PCDHGA6: variants seen among roughly 807,000 people sequenced by gnomAD.
PCDHGA6 encodes protocadherin gamma-A6.
PCDHGA6 carries 41 observed loss-of-function variants against 60.6 expected under a neutral mutation model. The ratio of observed to expected loss-of-function variants is 0.68; its 90% CI spans 0.53 to 0.88. The LOEUF (loss-of-function observed/expected upper bound fraction) is 0.88. PCDHGA6 is among the 40% of genes least tolerant of loss of function. PCDHGA6 has a pLI of 0.00. For synonymous variants in PCDHGA6, 594 were observed against 524.4 expected, an observed-to-expected ratio of 1.13 and a Z score of -1.81; for missense variants, 1,312 against 1,203.0, an observed-to-expected ratio of 1.09 and a Z score of -1.34.
In PCDHGA6 at chr5:141,399,285, C is replaced by T. The variant is rs751998465; in HGVS notation, c.2424+22778C>T. 3 of 1,613,720 alleles carry T rather than the reference C, an allele frequency of 1.9e-6. No homozygotes were observed. In the African/African-American group the frequency reaches 4.0e-5, roughly 22 times the overall value. ...TTAATTGTCAATTACAAGGCGAAGTCCCTTTTAAGATTATCTCTTCATCCA... is the reference window on the plus strand; with the variant it reads ...TTAATTGTCAATTACAAGGCGAAGTTCCTTTTAAGATTATCTCTTCATCCA... On this transcript the variant is annotated intron_variant, in intron 1 of 3. Coordinates refer to ENST00000517434, the MANE Select transcript of PCDHGA6 (RefSeq NM_018919.3).
At chr5:141,381,512 A>T (rs1777240689) in intron 1 of PCDHGA6, among the ~76,000 whole-genome samples, 1 of 152,218 alleles carries the variant, frequency 6.6e-6, no homozygotes, top group Non-Finnish European at 1.5e-5. Context: ...ATAGAGTAGG[A>T]TGAAGATTTG....
rs2099415271 is a variant in PCDHGA6, at chr5:141,477,659, G to A, written c.2425-17148G>A. 6.2e-7 allele frequency: 1 copy of A among 1,614,194 alleles called. No individual in the cohort carries two copies. The highest frequency in any genetic ancestry group is 1.3e-5 in the African/African-American group (1 of 75,046). ...GGGTCGCTATTTCACAATAAATCGT[G>A]ACAATGGCATAGTGTCATCCTTAGT... On this transcript the variant is annotated intron_variant, in intron 1 of 3. Transcript: ENST00000517434. The surrounding 1 kb of genome is among the most constrained non-coding windows in gnomAD (Gnocchi z 4.9).
At chr5:141,403,168 G>T in intron 1 of PCDHGA6, 14 of 1,614,032 alleles carry the variant, frequency 8.7e-6, no homozygotes, top group African/African-American at 1.3e-5. Flanking sequence ...GAGGTAGGAC[G>T]CAGCTTTTCT....
chr5:141,489,159 T>G lies in PCDHGA6; in HGVS notation c.2425-5648T>G. On this transcript the variant is annotated intron_variant, in intron 1 of 3. Transcript: ENST00000517434. This position sits in a 1 kb window ranked among gnomAD's most constrained non-coding sequence, Gnocchi z 4.5. ...AGGCTGGAAGGAGACATAAGAGACT[T>G]CAGCTGCTGCATTCCAAGCCCTGGG... is the stretch of plus-strand genomic sequence containing the variant. 2 of 1,023,152 alleles carry G rather than the reference T, an allele frequency of 2.0e-6. No individual in the cohort carries two copies. Among genetic ancestry groups the G allele is most frequent in the Non-Finnish European group, 2.9e-6 (2 of 697,120 alleles). The allele number at this position is 1,023,152 out of a possible 1,614,324, so 63.4% of individuals were successfully genotyped here. A position where few individuals can be genotyped will look rare whatever the true frequency, so the allele number is the denominator to read the frequency against.
intron 1 of PCDHGA6, chr5:141,424,630 A>G (rs1440031596): frequency 1.3e-5 from 2 of 152,366 alleles, no homozygotes; most frequent in East Asian, 3.9e-4. Flanking sequence ...TTGTGAATAT[A>G]TAAATAGATT....
At chr5:141,444,918 C>T (rs1197922745) in intron 1 of PCDHGA6, among the ~76,000 whole-genome samples, 1 of 152,106 alleles carries the variant, frequency 6.6e-6, no homozygotes, top group Non-Finnish European at 1.5e-5. Flanking sequence ...ATACCTTTAT[C>T]AGGGAAAGAG....
In PCDHGA6 at chr5:141,448,129, C is replaced by A. The variant is rs116387986; in HGVS notation, c.2425-46678C>A. On this transcript the variant is annotated intron_variant, in intron 1 of 3. Coordinates refer to ENST00000517434, the MANE Select transcript of PCDHGA6 (RefSeq NM_018919.3). Reference sequence around the variant, plus strand: ...AGAAAAGAAAATTAGCCTCCCCCACCCTCACTATACCTCAGACTCACCCCT... The same window carrying A: ...AGAAAAGAAAATTAGCCTCCCCCACACTCACTATACCTCAGACTCACCCCT... 4.4e-3 allele frequency among the ~76,000 whole-genome samples: 671 copies of A among 152,002 alleles called. 4 individuals carry two copies. Among genetic ancestry groups the A allele is most frequent in the African/African-American group, 0.015 (612 of 41,466 alleles).
Position 141,375,050 on chromosome 5 carries a change from G to A in PCDHGA6, c.967G>A (p.Asp323Asn). ...SFYELGVEAR[D>N]GPGLRDRAKV... ...TTATGAGCTGGGTGTTGAAGCCCGG[G>A]ATGGGCCAGGTCTTCGAGACAGAGC... The change falls in exon 1 of 4, where the codon GAT becomes AAT. Residue 323 changes from aspartate to asparagine, a missense_variant. Asp to Asn is a conservative substitution (Grantham distance 23, BLOSUM62 1). Coordinates refer to ENST00000517434, the MANE Select transcript of PCDHGA6 (RefSeq NM_018919.3). 6.2e-7 allele frequency: 1 copy of A among 1,614,046 alleles called. No individual in the cohort carries two copies. Among genetic ancestry groups the A allele is most frequent in the Non-Finnish European group, 8.5e-7 (1 of 1,179,908 alleles).
chr5:141,422,028 A>C, intron 1 of PCDHGA6: 1 of 1,611,196 alleles, frequency 6.2e-7, no homozygotes, highest in Non-Finnish European at 8.5e-7. Flanking sequence ...TGGTTAATGC[A>C]ACGGATCCAG....
intron 1 of PCDHGA6, among the ~76,000 whole-genome samples, chr5:141,480,408 C>A (rs371569489): frequency 7.2e-6 from 1 of 138,932 alleles, no homozygotes; most frequent in African/African-American, 2.9e-5. Flanking sequence ...GAGTGAGACC[C>A]TGTCTCAAAA....
Position 141,477,032 on chromosome 5 carries a change from A to G in PCDHGA6, c.2425-17775A>G, listed in dbSNP as rs1026169829. 2 of 1,614,134 alleles carry G rather than the reference A, an allele frequency of 1.2e-6. No homozygotes were observed. Among genetic ancestry groups the G allele is most frequent in the Non-Finnish European group, 1.7e-6 (2 of 1,180,044 alleles). ...AGACCTTGTAACCGGGATGCTGACA[A>G]TCAAGGGTCGGCTGGACTTCGAGGA... On this transcript the variant is annotated intron_variant, in intron 1 of 3. Transcript: ENST00000517434. This position sits in a 1 kb window ranked among gnomAD's most constrained non-coding sequence, Gnocchi z 4.9.
chr5:141,469,517 G>A (rs1416478511), intron 1 of PCDHGA6, among the ~76,000 whole-genome samples: 1 of 152,198 alleles, frequency 6.6e-6, no homozygotes, highest in Non-Finnish European at 1.5e-5. Flanking sequence ...GGAGGTTGCA[G>A]TGAGCCAAGA....
At position 141,379,889 on chromosome 5, in the gene PCDHGA6, C is replaced by CTTTTTTTTTTTTTTTTTTTTT. The variant is rs70988800; in HGVS notation, c.2424+3392_2424+3412dup. The stretch of plus-strand genomic sequence containing the variant: ...CTTATTTTATGGTCTGTGAAAGCCT[C>CTTTTTTTTTTTTTTTTTTTTT]TTTTTTTTTTTTTTTTTTTTTTTTT... On this transcript the variant is annotated intron_variant, in intron 1 of 3. Coordinates refer to ENST00000517434, the MANE Select transcript of PCDHGA6 (RefSeq NM_018919.3). Among the ~76,000 whole-genome samples, 100 of 50,832 alleles carry CTTTTTTTTTTTTTTTTTTTTT rather than the reference C, an allele frequency of 2.0e-3. 11 individuals are homozygous for CTTTTTTTTTTTTTTTTTTTTT. The highest frequency in any genetic ancestry group is 2.9e-3 in the Non-Finnish European group (74 of 25,884). 33.3% of individuals were successfully genotyped at this position (50,832 alleles called of 152,430 possible).
rs373430964 is a variant in PCDHGA6, at chr5:141,374,999, A to G, written c.916A>G (p.Asn306Asp). The G allele has an allele frequency of 1.1e-5, 17 of 1,613,928 alleles. No homozygotes were observed. The African/African-American group carries it at 2.1e-4, about 20-fold the overall frequency. The change falls in exon 1 of 4, where the codon AAT becomes GAT. Residue 306 changes from asparagine (N) to aspartate (D), a missense_variant. Asn to Asp is a conservative substitution (Grantham distance 23). Transcript: ENST00000517434. ...GACTGGAGAAATTTCAACTTCTGCA[A>G]ATCTAGACTATGAGGACTCGAGTTT... The part of the protein sequence containing the change: ...VLTGEISTSA[N>D]LDYEDSSFYE...
intron 1 of PCDHGA6, chr5:141,420,084 A>G (rs1454284559): frequency 2.5e-6 from 4 of 1,613,890 alleles, no homozygotes; most frequent in African/African-American, 1.3e-5. Context: ...GGTCCCCCCA[A>G]CTACAGTGAG....
At chr5:141,392,689 C>T in intron 1 of PCDHGA6, 1 of 1,115,570 alleles carries the variant, frequency 9.0e-7, no homozygotes, top group Non-Finnish European at 1.2e-6. Context: ...CAGCGAAACC[C>T]GACCCCTGTT....
At chr5:141,405,907 T>C (rs1471568204) in intron 1 of PCDHGA6, among the ~76,000 whole-genome samples, 2 of 152,218 alleles carry the variant, frequency 1.3e-5, no homozygotes, top group Non-Finnish European at 2.9e-5. Context: ...AGGAGGCATT[T>C]ATTAGTTATA....
At chr5:141,423,192 C>T in intron 1 of PCDHGA6, 2 of 1,613,622 alleles carry the variant, frequency 1.2e-6, no homozygotes, top group African/African-American at 2.7e-5. Context: ...AGCCCCCTCT[C>T]TCGGCCACCG....
chr5:141,424,616 T>C (rs1487572877), intron 1 of PCDHGA6: 1 of 152,152 alleles, frequency 6.6e-6, no homozygotes, highest in Non-Finnish European at 1.5e-5. Flanking sequence ...TCAAATAGAG[T>C]AGTTTGTGAA....
Sources: allele counts gnomAD v4.1 joint callset (sites outside exome capture counted in the v4.1 genomes callset), GRCh38; gene constraint gnomAD v4.1.1; non-coding constraint Gnocchi (gnomAD v3.1); transcripts MANE v1.5; gene names NCBI Gene and HGNC (gene_info 2026-07-23, HGNC 2026-07-21).